Variants in CLOCK observed in about 807,000 individuals in gnomAD.
The protein encoded by CLOCK is circadian locomoter output cycles protein kaput.
A neutral mutation model predicts 118.4 loss-of-function variants in CLOCK; 43 were observed. The ratio of observed to expected loss-of-function variants is 0.36; its 90% confidence interval spans 0.28 to 0.47. The LOEUF (loss-of-function observed/expected upper bound fraction) is 0.47, where lower values mean the gene tolerates loss of function less well. CLOCK is among the 20% of genes least tolerant of loss of function. The pLI is 1.00. For synonymous variants in CLOCK, 326 were observed against 339.2 expected (o/e 0.96, Z 0.43); for missense variants, 846 against 999.9 (o/e 0.85, Z 2.08).
At chr4:55,494,507 C>A (rs1039510513) in intron 2 of CLOCK, among the ~76,000 whole-genome samples, 1 of 151,632 alleles carries the variant, frequency 6.6e-6, no homozygotes, top group African/African-American at 2.4e-5. Flanking sequence ...AAAGAACGGT[C>A]AAAAAGATGG....
intron 2 of CLOCK, among the ~76,000 whole-genome samples, chr4:55,504,176 T>C (rs13133484): frequency 0.34 from 49,894 of 148,850 alleles, 9,021 homozygotes; most frequent in East Asian, 0.58. Context: ...GTCCCAACTA[T>C]TCGGGACCCT....
chr4:55,450,438 G>A (rs975010877), intron 15 of CLOCK, among the ~76,000 whole-genome samples: 1 of 152,178 alleles, frequency 6.6e-6, no homozygotes, highest in Non-Finnish European at 1.5e-5. Flanking sequence ...AGAAAGAGAA[G>A]AAGAATGAAG....
intron 1 of CLOCK, among the ~76,000 whole-genome samples, chr4:55,523,554 G>T (rs895944763): frequency 2.6e-5 from 4 of 152,018 alleles, no homozygotes; most frequent in African/African-American, 9.7e-5. Flanking sequence ...ATTTTTTGAG[G>T]CTTTGAAAGT....
At chr4:55,528,729 C>T (rs1170923170) in intron 1 of CLOCK, among the ~76,000 whole-genome samples, 3 of 152,176 alleles carry the variant, frequency 2.0e-5, no homozygotes, top group Non-Finnish European at 4.4e-5. Context: ...ACGCTCCCCT[C>T]AATGACTAAG....
At chr4:55,515,555 T>C (rs575681225) in intron 1 of CLOCK, among the ~76,000 whole-genome samples, 6 of 152,236 alleles carry the variant, frequency 3.9e-5, no homozygotes, top group African/African-American at 1.4e-4. Context: ...TTTGAATTTT[T>C]TGTATTTTTA....
chr4:55,480,998 G>A (rs1382046807), intron 4 of CLOCK, among the ~76,000 whole-genome samples: 1 of 152,054 alleles, frequency 6.6e-6, no homozygotes, highest in Non-Finnish European at 1.5e-5. Flanking sequence ...TAAGTGACAA[G>A]AAGGGGCTGG....
chr4:55,453,213 C>T (rs879766585), intron 14 of CLOCK, 84 bp from the exon 15 acceptor site: 89 of 1,088,432 alleles, frequency 8.2e-5, no homozygotes, highest in Non-Finnish European at 1.1e-4. Context: ...AGTGTTGTTA[C>T]GTGTCTCATC....
At position 55,475,467 on chromosome 4, in the gene CLOCK, T is replaced by G. The variant is rs372564900; in HGVS notation, c.348+496A>C. Among the ~76,000 whole-genome samples the G allele has an allele frequency of 1.6e-3, 247 of 152,346 alleles. 3 individuals carry two copies. In the South Asian group the frequency reaches 0.05, roughly 31 times the overall value. On this transcript the variant is annotated intron_variant, in intron 7 of 22. Coordinates refer to ENST00000513440, the MANE Select transcript of CLOCK (RefSeq NM_004898.4). ...AGCAGCAGGGTTTGAGAGTACTGAC[T>G]GTAATTTTGAAAGAAGTTCTACTCT...
chr4:55,509,210 A>G (rs1036113837), intron 2 of CLOCK, among the ~76,000 whole-genome samples: 5 of 152,224 alleles, frequency 3.3e-5, no homozygotes, highest in South Asian at 2.1e-4. Flanking sequence ...CCACTGTCGT[A>G]TATTTGGTCC....
chr4:55,524,840 T>A (rs1325513854), intron 1 of CLOCK, among the ~76,000 whole-genome samples: 1 of 152,226 alleles, frequency 6.6e-6, no homozygotes, highest in Non-Finnish European at 1.5e-5. Flanking sequence ...CTCAACTGTT[T>A]CTAATGAAAG....
chr4:55,447,570 T>C (rs1723970436), intron 18 of CLOCK, among the ~76,000 whole-genome samples: 1 of 152,164 alleles, frequency 6.6e-6, no homozygotes, highest in Admixed American at 6.5e-5. Flanking sequence ...CATTTGGCTT[T>C]ATTGGTGAAC....
Position 55,432,474 on chromosome 4 carries a change from C to T in CLOCK, c.*2941G>A, listed in dbSNP as rs1005931910. ...AAGTGAGAATAAAGCAGAGGGAAGACTTTTTTTTTTTTTTTTTTAAAGCTG... is the reference window on the plus strand; with the variant it reads ...AAGTGAGAATAAAGCAGAGGGAAGATTTTTTTTTTTTTTTTTTTAAAGCTG... On this transcript the variant is annotated 3_prime_UTR_variant, in exon 23 of 23. Coordinates refer to ENST00000513440, the MANE Select transcript of CLOCK (RefSeq NM_004898.4). 6 of 134,826 alleles carry T rather than the reference C, an allele frequency of 4.5e-5. No individual in the cohort carries two copies. The highest frequency in any genetic ancestry group is 2.5e-4 in the South Asian group (1 of 4,070). The allele number at this position is 134,826 out of a possible 1,614,324, so 8.4% of individuals were successfully genotyped here. A position where few individuals can be genotyped will look rare whatever the true frequency, so the allele number is the denominator to read the frequency against.
chr4:55,448,602 G>GCGCGCGTGTA (rs1553891251), intron 18 of CLOCK, among the ~76,000 whole-genome samples, 177 bp downstream of exon 18: 1 of 14,384 alleles, frequency 7.0e-5, no homozygotes, highest in Non-Finnish European at 1.2e-4. Flanking sequence ...GCACGCGCGC[G>GCGCGCGTGTA]TGTGTGTGTG....
intron 2 of CLOCK, among the ~76,000 whole-genome samples, chr4:55,494,504 G>T (rs1425202375): frequency 2.0e-5 from 3 of 152,134 alleles, no homozygotes; most frequent in Admixed American, 2.0e-4. Flanking sequence ...CAGAAAGAAC[G>T]GTCAAAAAGA....
intron 21 of CLOCK, among the ~76,000 whole-genome samples, chr4:55,440,507 T>A (rs1723276630): frequency 6.6e-6 from 1 of 152,194 alleles, no homozygotes; most frequent in Admixed American, 6.5e-5. Context: ...ACAAACTGTT[T>A]ATGTAACAAT....
intron 20 of CLOCK, 29 bp downstream of exon 20, chr4:55,443,658 C>G (rs368467231): frequency 6.4e-7 from 1 of 1,566,096 alleles, no homozygotes; most frequent in Non-Finnish European, 8.8e-7. Flanking sequence ...ACTGATCACT[C>G]CATAGCCCGC....
At position 55,470,701 on chromosome 4, in the gene CLOCK, G is replaced by C; in HGVS notation, c.438+16C>G. ...GCATTTTAATACGAAGTAGATTGTA[G>C]GATCTTTATACTTACTGGTAAATGT... On this transcript the variant is annotated intron_variant, in intron 8 of 22. Transcript: ENST00000513440. The C allele has an allele frequency of 6.6e-7, 1 of 1,512,068 alleles. No homozygotes were observed. The highest frequency in any genetic ancestry group is 1.7e-5 in the Admixed American group (1 of 59,662). 93.7% of individuals were successfully genotyped at this position (1,512,068 alleles called of 1,614,324 possible). A position where few individuals can be genotyped will look rare whatever the true frequency, so the allele number is the denominator to read the frequency against.
rs772268527 is a variant in CLOCK at position 55,444,810 on chromosome 4, T to C, written c.1540-25A>G. ...ACTGAAGTACCATGTACGGAAAAAGTGTAATATATTTTAGAATTACTTACT... is the reference window on the plus strand; with the variant it reads ...ACTGAAGTACCATGTACGGAAAAAGCGTAATATATTTTAGAATTACTTACT... On this transcript the variant is annotated intron_variant, in intron 18 of 22. Transcript: ENST00000513440. 21 of 1,610,012 alleles carry C rather than the reference T, an allele frequency of 1.3e-5. No homozygotes were observed. In the Admixed American group the frequency reaches 2.7e-4, roughly 21 times the overall value.
At chr4:55,471,083 C>G (rs1240752151) in intron 7 of CLOCK, among the ~76,000 whole-genome samples, 1 of 152,126 alleles carries the variant, frequency 6.6e-6, no homozygotes, top group Non-Finnish European at 1.5e-5. Flanking sequence ...AGGTATATTA[C>G]ATGATCCAAT....
Sources: allele counts gnomAD v4.1 joint callset (sites outside exome capture counted in the v4.1 genomes callset), GRCh38; gene constraint gnomAD v4.1.1; transcripts MANE v1.5; gene names NCBI Gene and HGNC (gene_info 2026-07-23, HGNC 2026-07-21).